The following ADGRG2 variants were observed in gnomAD, a reference collection of about 807,000 sequenced individuals.
ADGRG2 encodes G protein-coupled receptor 64.
Under a neutral mutation model 74.1 loss-of-function variants are expected in ADGRG2, and 26 were observed. The observed-to-expected ratio is 0.35, with a 90% CI of 0.26 to 0.49. The LOEUF (loss-of-function observed/expected upper bound fraction) is 0.49. ADGRG2 is among the 20% of genes least tolerant of loss of function. The pLI is 0.99. For missense variants in ADGRG2, 619 were observed against 763.1 expected (o/e 0.81, Z 2.22); for synonymous variants, 296 against 295.2 (o/e 1.00, Z -0.03).
intron 22 of ADGRG2, 98 bp downstream of exon 22, chrX:19,005,904 C>T (rs1391550377): frequency 1.8e-6 from 1 of 548,411 alleles, no homozygotes; most frequent in Admixed American, 2.4e-5. Context: ...ATCTGCTGAT[C>T]TGTCACGGTT....
At position 18,991,113 on chromosome X, in the gene ADGRG2, A is replaced by T. The variant is rs746660719; in HGVS notation, c.2870-65T>A. ...ACAGAAAGCATTAAAAAGCAAACAAACTTAGACATTGCTTTATTCTTAAAG... is the reference window on the plus strand; with the variant it reads ...ACAGAAAGCATTAAAAAGCAAACAATCTTAGACATTGCTTTATTCTTAAAG... On this transcript the variant is annotated intron_variant, in intron 28 of 28. Coordinates refer to ENST00000379869, the MANE Select transcript of ADGRG2 (RefSeq NM_001079858.3). 134 of 565,501 alleles carry T rather than the reference A, an allele frequency of 2.4e-4. No homozygotes were observed. The East Asian group carries it at 4.5e-3, about 19-fold the overall frequency. 46.6% of individuals were successfully genotyped at this position (565,501 alleles called of 1,213,427 possible).
chrX:19,120,626 T>C (rs765885239), intron 1 of ADGRG2, among the ~76,000 whole-genome samples: 1 of 111,487 alleles, frequency 9.0e-6, no homozygotes, highest in Non-Finnish European at 1.9e-5. Context: ...AAAAATGGGT[T>C]CTCTTTCCAC....
chrX:19,080,930 T>C (rs775364921), intron 2 of ADGRG2, among the ~76,000 whole-genome samples: 5 of 109,847 alleles, frequency 4.6e-5, no homozygotes, highest in African/African-American at 9.9e-5. Context: ...TCCAAAATAA[T>C]TGACATTCAT....
intron 1 of ADGRG2, among the ~76,000 whole-genome samples, chrX:19,102,091 C>T: frequency 9.3e-6 from 1 of 107,200 alleles, no homozygotes; most frequent in Middle Eastern, 4.7e-3. Flanking sequence ...GAAAATATTG[C>T]CGGGTGTGGT....
At chrX:19,065,204 A>C (rs2061546334) in intron 3 of ADGRG2, among the ~76,000 whole-genome samples, 1 of 95,994 alleles carries the variant, frequency 1.0e-5, no homozygotes, top group African/African-American at 3.8e-5. Context: ...CGGGAGGTTG[A>C]GACTGCAGTG....
At chrX:19,031,498 T>C (rs1034511640) in intron 8 of ADGRG2, 44 of 114,251 alleles carry the variant, frequency 3.9e-4, no homozygotes, top group African/African-American at 1.3e-3. Flanking sequence ...CATAATATTG[T>C]TTCATGGGCA....
chrX:19,086,392 A>G (rs1008846521), intron 1 of ADGRG2, among the ~76,000 whole-genome samples: 1 of 111,638 alleles, frequency 9.0e-6, no homozygotes, highest in Non-Finnish European at 1.9e-5. Context: ...GATTGCCCCA[A>G]ACCATGACAT....
intron 3 of ADGRG2, among the ~76,000 whole-genome samples, chrX:19,047,778 G>T (rs1310055529): frequency 9.0e-6 from 1 of 111,264 alleles, no homozygotes; most frequent in Non-Finnish European, 1.9e-5. Context: ...GCTCTTAAGG[G>T]CTTGGGATAA....
intron 2 of ADGRG2, among the ~76,000 whole-genome samples, chrX:19,072,469 T>C (rs904373122): frequency 1.8e-5 from 2 of 112,205 alleles, no homozygotes; most frequent in African/African-American, 6.5e-5. Flanking sequence ...GACTCATTCT[T>C]GAGCTTTGCT....
chrX:19,122,552 C>G (rs1216819187), upstream of ADGRG2: 2 of 110,028 alleles, frequency 1.8e-5, no homozygotes, highest in Non-Finnish European at 3.8e-5. Context: ...CCGCCCCCGC[C>G]GCTCCCGGCC....
At chrX:19,081,111 T>A (rs2061839709) in intron 2 of ADGRG2, among the ~76,000 whole-genome samples, 1 of 110,631 alleles carries the variant, frequency 9.0e-6, no homozygotes, top group East Asian at 2.8e-4. Context: ...TGATTTTTTT[T>A]AAAACAACAA....
intron 1 of ADGRG2, among the ~76,000 whole-genome samples, chrX:19,111,238 T>C (rs1005322161): frequency 9.0e-6 from 1 of 110,867 alleles, no homozygotes; most frequent in African/African-American, 3.3e-5. Flanking sequence ...AATATTGAGT[T>C]TGAGATGCCT....
chrX:19,047,211 A>C (rs768308362), intron 3 of ADGRG2, among the ~76,000 whole-genome samples: 2 of 112,074 alleles, frequency 1.8e-5, no homozygotes, highest in South Asian at 7.5e-4. Context: ...AGCATTAAAA[A>C]GTCAGCCATT....
intron 3 of ADGRG2, among the ~76,000 whole-genome samples, chrX:19,062,748 A>G (rs2061506142): frequency 9.0e-6 from 1 of 110,867 alleles, no homozygotes; most frequent in African/African-American, 3.3e-5. Context: ...GAAATCAGAC[A>G]GCCAGGCCTC....
rs781610341 is a variant in ADGRG2 at position 19,029,245 on chromosome X, A to G, written c.359-1007T>C. On this transcript the variant is annotated intron_variant, in intron 9 of 28. Transcript: ENST00000379869. ...TCAATTCATACAGTATGTAATTATT[A>G]AAAGATATTTGAGATCTACATAGAC... Among the ~76,000 whole-genome samples the G allele has an allele frequency of 2.7e-5, 3 of 110,827 alleles. No homozygotes were observed. The East Asian group carries it at 8.5e-4, about 31-fold the overall frequency.
intron 1 of ADGRG2, among the ~76,000 whole-genome samples, chrX:19,092,923 T>A (rs1238576665): frequency 2.7e-5 from 3 of 111,710 alleles, no homozygotes; most frequent in Non-Finnish European, 5.6e-5. Context: ...AAGGAGAATA[T>A]AAATTACAGA....
chrX:19,085,891 G>A (rs1285806594), intron 1 of ADGRG2, among the ~76,000 whole-genome samples: 2 of 111,395 alleles, frequency 1.8e-5, no homozygotes, highest in Non-Finnish European at 1.9e-5. Flanking sequence ...TCAGCTCAAC[G>A]TCATCTCCCC....
At chrX:19,074,544 T>TTTC (rs1215940453) in intron 2 of ADGRG2, among the ~76,000 whole-genome samples, 7 of 71,704 alleles carry the variant, frequency 9.8e-5, no homozygotes, top group Non-Finnish European at 1.5e-4. Context: ...GCGCATTTTC[T>TTTC]TTCTTCTTCT....
chrX:19,093,555 T>C (rs1236410213), intron 1 of ADGRG2, among the ~76,000 whole-genome samples: 1 of 111,531 alleles, frequency 9.0e-6, no homozygotes, highest in Non-Finnish European at 1.9e-5. Flanking sequence ...TTTGGGGAGA[T>C]GGCGGGCAGG....
Sources: gnomAD v4.1 joint callset for allele counts (sites outside exome capture counted in the v4.1 genomes callset) on GRCh38, gnomAD v4.1.1 for gene constraint, MANE v1.5 for transcripts, NCBI Gene and HGNC (gene_info 2026-07-23, HGNC 2026-07-21) for gene names.